The following SH3RF3 variants were observed in gnomAD, a reference collection of about 807,000 sequenced individuals.
The protein encoded by SH3RF3 is E3 ubiquitin-protein ligase SH3RF3.
In SH3RF3, 29 loss-of-function variants were observed where a neutral mutation model predicts 66.3. The ratio of observed to expected loss-of-function variants is 0.44; its 90% confidence interval spans 0.33 to 0.60. SH3RF3 has a LOEUF of 0.60. Ranked by LOEUF, SH3RF3 falls within the 20% of genes least tolerant of loss-of-function variation. SH3RF3 has a pLI of 0.04. For synonymous variants in SH3RF3, 583 were observed against 532.0 expected (o/e 1.10, Z -1.32); for missense variants, 1,194 against 1,190.9 (o/e 1.00, Z -0.04).
intron 2 of SH3RF3, among the ~76,000 whole-genome samples, chr2:109,364,998 GA>G (rs964363012): frequency 6.6e-6 from 1 of 152,160 alleles, no homozygotes; most frequent in African/African-American, 2.4e-5. Flanking sequence ...GACTGAGGCA[GA>G]AGGATCGTGA....
chr2:109,207,810 A>G (rs1478230105), intron 1 of SH3RF3, among the ~76,000 whole-genome samples: 1 of 152,192 alleles, frequency 6.6e-6, no homozygotes, highest in Non-Finnish European at 1.5e-5. Flanking sequence ...TAAATGGCAC[A>G]ATTTTCTTTT....
intron 1 of SH3RF3, among the ~76,000 whole-genome samples, chr2:109,152,269 G>A (rs1171317802): frequency 2.0e-5 from 3 of 152,234 alleles, no homozygotes; most frequent in Non-Finnish European, 2.9e-5. Flanking sequence ...CACGGGAGGT[G>A]GGCATGTTCC....
intron 8 of SH3RF3, among the ~76,000 whole-genome samples, chr2:109,456,833 C>T (rs1678071989): frequency 6.6e-6 from 1 of 152,244 alleles, no homozygotes; most frequent in Admixed American, 6.5e-5. Context: ...GCCCACTCCC[C>T]ATTCTCTGCT....
chr2:109,166,188 A>C (rs901456696), intron 1 of SH3RF3, among the ~76,000 whole-genome samples: 4 of 152,108 alleles, frequency 2.6e-5, no homozygotes, highest in Non-Finnish European at 4.4e-5. Context: ...GTTTCAAAGG[A>C]AAGATGCAGG....
Position 109,431,634 on chromosome 2 carries a change from G to C in SH3RF3, c.1404-867G>C, listed in dbSNP as rs1222489881. Reference sequence around the variant, plus strand: ...CTGGTGTAATCCCAGCACTTTGGGAGGCTGAAATGGGAGGATTGCTTGAGA... The same window carrying C: ...CTGGTGTAATCCCAGCACTTTGGGACGCTGAAATGGGAGGATTGCTTGAGA... On this transcript the variant is annotated intron_variant, in intron 5 of 9. Transcript: ENST00000309415. Among the ~76,000 whole-genome samples the C allele has an allele frequency of 2.6e-5, 4 of 152,328 alleles. No homozygotes were observed. In the East Asian group the frequency reaches 7.7e-4, roughly 29 times the overall value.
At chr2:109,428,360 G>A (rs1320854142) in intron 5 of SH3RF3, among the ~76,000 whole-genome samples, 2 of 152,252 alleles carry the variant, frequency 1.3e-5, no homozygotes, top group Non-Finnish European at 2.9e-5. Flanking sequence ...TCTTGCTATA[G>A]AAATAAGGAA....
At chr2:109,465,610 G>C (rs2104701546) in intron 8 of SH3RF3, among the ~76,000 whole-genome samples, 1 of 152,288 alleles carries the variant, frequency 6.6e-6, no homozygotes, top group South Asian at 2.1e-4. Flanking sequence ...CTGCTATAAA[G>C]AAATACCTGA....
At chr2:109,194,556 C>T (rs2105035690) in intron 1 of SH3RF3, among the ~76,000 whole-genome samples, 1 of 152,354 alleles carries the variant, frequency 6.6e-6, no homozygotes, top group Admixed American at 6.5e-5. Flanking sequence ...CGAGGAGCAC[C>T]CCCACTTTCA....
intron 1 of SH3RF3, among the ~76,000 whole-genome samples, chr2:109,344,793 G>A (rs549680700): frequency 8.5e-5 from 13 of 152,300 alleles, no homozygotes; most frequent in African/African-American, 3.1e-4. Context: ...GCAGCTGAGT[G>A]GGGATTTCAT....
At chr2:109,458,525 G>GGTT (rs1489798006) in intron 8 of SH3RF3, among the ~76,000 whole-genome samples, 1 of 140,684 alleles carries the variant, frequency 7.1e-6, no homozygotes, top group Non-Finnish European at 1.5e-5. Flanking sequence ...ATTAATTATT[G>GGTT]GTTTGTATCA....
intron 3 of SH3RF3, among the ~76,000 whole-genome samples, chr2:109,392,476 C>T (rs1207468543): frequency 1.3e-5 from 2 of 151,850 alleles, no homozygotes; most frequent in African/African-American, 2.4e-5. Flanking sequence ...AAGGTAAAGT[C>T]GGCTTGGCCA....
intron 1 of SH3RF3, among the ~76,000 whole-genome samples, chr2:109,305,220 C>A (rs1681563279): frequency 6.6e-6 from 1 of 152,142 alleles, no homozygotes; most frequent in Non-Finnish European, 1.5e-5. Context: ...TCTTTCTCAG[C>A]TGGTTTTAAC....
intron 7 of SH3RF3, among the ~76,000 whole-genome samples, chr2:109,446,892 C>G (rs1677720902): frequency 6.6e-6 from 1 of 152,074 alleles, no homozygotes; most frequent in African/African-American, 2.4e-5. Flanking sequence ...ACGCCGAGGG[C>G]CACAGCGCTT....
In SH3RF3 at chr2:109,473,994, A is replaced by G. The variant is rs915026611; in HGVS notation, c.2149-16611A>G. Among the ~76,000 whole-genome samples the G allele has an allele frequency of 3.3e-5, 5 of 152,120 alleles. No individual in the cohort carries two copies. The East Asian group carries it at 5.8e-4, about 18-fold the overall frequency. ...CTGTCCTGGAAGGTGCTGGAGGCCA[A>G]TGAGGTTATGACAGGGGCTTTGATG... On this transcript the variant is annotated intron_variant, in intron 8 of 9. Coordinates refer to ENST00000309415, the MANE Select transcript of SH3RF3 (RefSeq NM_001099289.3).
intron 3 of SH3RF3, among the ~76,000 whole-genome samples, chr2:109,373,415 C>A (rs1465044942): frequency 6.6e-6 from 1 of 152,198 alleles, no homozygotes; most frequent in Admixed American, 6.5e-5. Context: ...AAGTGTCCAT[C>A]AACAGTGGGA....
chr2:109,454,832 C>G (rs1187854544), intron 8 of SH3RF3, among the ~76,000 whole-genome samples: 4 of 151,884 alleles, frequency 2.6e-5, no homozygotes, highest in Non-Finnish European at 5.9e-5. Flanking sequence ...TAGAAGGCAC[C>G]TGGTGATGAT....
chr2:109,458,143 A>T (rs1044317634), intron 8 of SH3RF3, among the ~76,000 whole-genome samples: 3 of 152,172 alleles, frequency 2.0e-5, no homozygotes, highest in Non-Finnish European at 4.4e-5. Context: ...CACTCCTGGG[A>T]CAGTTTGGTT....
chr2:109,395,162 G>T (rs572826747), intron 3 of SH3RF3, among the ~76,000 whole-genome samples: 1 of 152,382 alleles, frequency 6.6e-6, no homozygotes, highest in South Asian at 2.1e-4. Context: ...AGGCAGGCCA[G>T]TGCGTGCGCT....
At chr2:109,131,359 T>C (rs942571099) in intron 1 of SH3RF3, among the ~76,000 whole-genome samples, 1 of 152,242 alleles carries the variant, frequency 6.6e-6, no homozygotes, top group Admixed American at 6.5e-5. Flanking sequence ...TTAATTGTGA[T>C]TAAATCCAGC....
Sources: gnomAD v4.1 joint callset for allele counts (sites outside exome capture counted in the v4.1 genomes callset) on GRCh38, gnomAD v4.1.1 for gene constraint, MANE v1.5 for transcripts, NCBI Gene and HGNC (gene_info 2026-07-23, HGNC 2026-07-21) for gene names.